Variants in MACF1 observed in about 807,000 individuals in gnomAD.
MACF1 encodes microtubule-actin cross-linking factor 1.
MACF1 carries 193 observed loss-of-function variants against 854.8 expected under a neutral mutation model. The observed-to-expected ratio is 0.23, with a 90% CI of 0.20 to 0.25. MACF1 has a LOEUF of 0.25. Ranked by LOEUF, MACF1 falls within the 10% of genes least tolerant of loss-of-function variation. The probability of loss-of-function intolerance (pLI) is 1.00; values close to 1 mark genes in which losing one functional copy is unlikely to be tolerated. For missense variants in MACF1, 7,722 were observed against 8,929.1 expected, an observed-to-expected ratio of 0.86 and a Z score of 5.45; for synonymous variants, 3,185 against 3,226.7, an observed-to-expected ratio of 0.99 and a Z score of 0.44.
intron 94 of MACF1, 36 bp downstream of exon 94, chr1:39,463,722 G>GT: frequency 6.3e-7 from 1 of 1,584,838 alleles, no homozygotes; most frequent in Non-Finnish European, 8.7e-7. Context: ...TGTTGTGGTG[G>GT]TTTCTCATAT....
chr1:39,411,769 G>A (rs1215741418), intron 58 of MACF1: 1 of 1,613,842 alleles, frequency 6.2e-7, no homozygotes, highest in Admixed American at 1.7e-5. Flanking sequence ...CCAGGATGCA[G>A]AAAATTTACT....
At chr1:39,373,296 C>CA (rs60109104) in intron 52 of MACF1, 2,152 of 120,210 alleles carry the variant, frequency 0.018, 52 homozygotes, top group African/African-American at 0.06. Flanking sequence ...GACTCTGTCT[C>CA]AAAAAAAAAA....
intron 22 of MACF1, 93 bp from the exon 23 acceptor site, chr1:39,302,831 T>C: frequency 8.0e-7 from 1 of 1,248,994 alleles, no homozygotes; most frequent in Non-Finnish European, 1.1e-6. Context: ...CAGATTTTTT[T>C]CTTAAGGATT....
chr1:39,484,576 T>G, intron 99 of MACF1, 25 bp from the exon 100 acceptor site: 1 of 1,602,128 alleles, frequency 6.2e-7, no homozygotes, highest in East Asian at 2.2e-5. Flanking sequence ...AAGTAAAATG[T>G]GACCTTTTTA....
intron 2 of MACF1, among the ~76,000 whole-genome samples, chr1:39,112,496 G>A (rs1296489498): frequency 1.3e-5 from 2 of 152,022 alleles, no homozygotes; most frequent in East Asian, 1.9e-4. Context: ...CAGTCAACAC[G>A]GTGAAACCCT....
intron 6 of MACF1, among the ~76,000 whole-genome samples, chr1:39,268,115 A>G (rs1013337151): frequency 2.0e-5 from 3 of 152,132 alleles, no homozygotes; most frequent in Non-Finnish European, 4.4e-5. Context: ...TTGCAGCTTC[A>G]CCAGGCTTGG....
intron 23 of MACF1, chr1:39,304,649 C>T (rs185438386): frequency 3.4e-5 from 17 of 494,184 alleles, no homozygotes; most frequent in Middle Eastern, 5.6e-4. Context: ...CTGCAAGCTC[C>T]GCCTCCTGTG....
chr1:39,177,133 A>G (rs1391341682), intron 2 of MACF1, among the ~76,000 whole-genome samples: 2 of 151,880 alleles, frequency 1.3e-5, no homozygotes, highest in Non-Finnish European at 2.9e-5. Context: ...AGAAAAGGAG[A>G]TTTTTATTTA....
chr1:39,180,622 A>G (rs1175277979), intron 2 of MACF1, among the ~76,000 whole-genome samples: 2 of 152,222 alleles, frequency 1.3e-5, no homozygotes, highest in Non-Finnish European at 2.9e-5. Context: ...CCTCACACGC[A>G]CACACACAAA....
intron 23 of MACF1, among the ~76,000 whole-genome samples, chr1:39,307,334 T>C (rs1046652688): frequency 3.9e-5 from 6 of 152,134 alleles, no homozygotes; most frequent in African/African-American, 1.4e-4. Context: ...AGCAGTACTA[T>C]TGGTTTTGAC....
At chr1:39,281,907 C>A (rs1193473359) in intron 6 of MACF1, among the ~76,000 whole-genome samples, 1 of 152,094 alleles carries the variant, frequency 6.6e-6, no homozygotes, top group Non-Finnish European at 1.5e-5. Context: ...GAAGTTATGC[C>A]ATTTTATACT....
At chr1:39,168,548 C>T (rs1320169011) in intron 2 of MACF1, among the ~76,000 whole-genome samples, 1 of 152,088 alleles carries the variant, frequency 6.6e-6, no homozygotes, top group Non-Finnish European at 1.5e-5. Context: ...AGGCAGGTCT[C>T]GAACTCCTGG....
rs1356014477 is a variant in MACF1 at position 39,283,602 on chromosome 1, G to C, written c.915+87G>C. 10 of 890,568 alleles carry C rather than the reference G, an allele frequency of 1.1e-5. No individual in the cohort carries two copies. The East Asian group carries it at 2.5e-4, about 22-fold the overall frequency. 55.2% of individuals were successfully genotyped at this position (890,568 alleles called of 1,614,324 possible). On this transcript the variant is annotated intron_variant, in intron 9 of 100. Coordinates refer to ENST00000564288, the MANE Select transcript of MACF1 (RefSeq NM_001394062.1). The surrounding 1 kb of genome is among the most constrained non-coding windows in gnomAD (Gnocchi z 4.5). ...TTAGACACTTTCTTAAGCACTTATG[G>C]TATACTCATGGTATCAAACTATATA... is the stretch of plus-strand genomic sequence containing the variant.
chr1:39,466,583 C>T (rs1433850153), intron 95 of MACF1, among the ~76,000 whole-genome samples: 1 of 152,158 alleles, frequency 6.6e-6, no homozygotes, highest in African/African-American at 2.4e-5. Context: ...CCAGAGAAAA[C>T]CCTTTGCAGT....
intron 58 of MACF1, among the ~76,000 whole-genome samples, chr1:39,402,090 T>G (rs190262587): frequency 6.6e-6 from 1 of 152,278 alleles, no homozygotes; most frequent in African/African-American, 2.4e-5. Context: ...TGGGTGCCTA[T>G]AATTCCAGCT....
At chr1:39,358,206 A>T (rs1361592985) in intron 45 of MACF1, among the ~76,000 whole-genome samples, 2 of 152,190 alleles carry the variant, frequency 1.3e-5, no homozygotes, top group African/African-American at 4.8e-5. Flanking sequence ...GAGACATAGC[A>T]CACAGGGGAA....
At chr1:39,196,750 A>C (rs1211351142) in intron 2 of MACF1, among the ~76,000 whole-genome samples, 1 of 152,256 alleles carries the variant, frequency 6.6e-6, no homozygotes, top group African/African-American at 2.4e-5. Flanking sequence ...TTTGAGACCA[A>C]GTAAATCTCA....
At chr1:39,477,940 CAA>C (rs1644940536) in intron 97 of MACF1, among the ~76,000 whole-genome samples, 1 of 147,026 alleles carries the variant, frequency 6.8e-6, no homozygotes, top group African/African-American at 2.5e-5. Flanking sequence ...AATGCAATTT[CAA>C]AGTTTTCCTC....
At chr1:39,413,344 A>ATCTG (rs1643122849) in intron 58 of MACF1, 1 of 794,788 alleles carries the variant, frequency 1.3e-6, no homozygotes, top group Non-Finnish European at 1.5e-6. Context: ...AGAGGAGCCC[A>ATCTG]CCTCCCCAGC....
Sources: allele counts gnomAD v4.1 joint callset (sites outside exome capture counted in the v4.1 genomes callset), GRCh38; gene constraint gnomAD v4.1.1; non-coding constraint Gnocchi (gnomAD v3.1); transcripts MANE v1.5; gene names NCBI Gene and HGNC (gene_info 2026-07-23, HGNC 2026-07-21).